RIGI: variants seen among roughly 807,000 people sequenced by gnomAD.
RIGI encodes antiviral innate immune response receptor RIG-I.
At chr9:32,494,552 A>G in the RIGI span, among the ~76,000 whole-genome samples, 1 of 152,228 alleles carries the variant, frequency 6.6e-6, no homozygotes, top group Admixed American at 6.5e-5. Flanking sequence ...AAAACAGATA[A>G]AACATTTACC....
At chr9:32,494,559 T>C in the RIGI span, among the ~76,000 whole-genome samples, 2 of 152,308 alleles carry the variant, frequency 1.3e-5, no homozygotes, top group South Asian at 2.1e-4. Context: ...ATAAAACATT[T>C]ACCATCTTAA....
chr9:32,477,994 G>A, the RIGI span, among the ~76,000 whole-genome samples: 3,590 of 151,900 alleles, frequency 0.024, 164 homozygotes, highest in African/African-American at 0.083. Context: ...AGATCATACC[G>A]GACTATGGGA....
chr9:32,485,288 G>A, the RIGI span: 62 of 1,478,970 alleles, frequency 4.2e-5, no homozygotes, highest in African/African-American at 1.3e-4. Context: ...AACTAGAGAC[G>A]TCAAAAAAAA....
the RIGI span, among the ~76,000 whole-genome samples, chr9:32,455,316 AAG>A: frequency 6.6e-6 from 1 of 152,202 alleles, no homozygotes; most frequent in African/African-American, 2.4e-5. Flanking sequence ...TTATAAAGAA[AAG>A]AGGCTTAATA....
At chr9:32,494,055 C>T in the RIGI span, 1 of 782,224 alleles carries the variant, frequency 1.3e-6, no homozygotes, top group Admixed American at 3.4e-5. Context: ...CAAAAAATAT[C>T]TGTAAATTAC....
At chr9:32,478,771 A>T in the RIGI span, among the ~76,000 whole-genome samples, 2 of 151,036 alleles carry the variant, frequency 1.3e-5, no homozygotes, top group African/African-American at 4.9e-5. Flanking sequence ...TGCTGCCCAG[A>T]CTGATCTCCA....
At chr9:32,521,027 C>A in the RIGI span, among the ~76,000 whole-genome samples, 1 of 150,700 alleles carries the variant, frequency 6.6e-6, no homozygotes, top group Non-Finnish European at 1.5e-5. Context: ...GGCCTGTAAT[C>A]CCAGCTACTA....
At chr9:32,476,941 T>G in the RIGI span, 8 of 1,527,818 alleles carry the variant, frequency 5.2e-6, no homozygotes, top group Non-Finnish European at 7.2e-6. Context: ...CAATGAATAG[T>G]GCTGGGTCCA....
the RIGI span, among the ~76,000 whole-genome samples, chr9:32,480,735 A>C: frequency 3.9e-5 from 6 of 152,246 alleles, no homozygotes; most frequent in Non-Finnish European, 7.3e-5. Flanking sequence ...TGAAGCCATC[A>C]CTAAATTGTC....
At chr9:32,461,182 C>T in the RIGI span, among the ~76,000 whole-genome samples, 1 of 152,092 alleles carries the variant, frequency 6.6e-6, no homozygotes, top group Non-Finnish European at 1.5e-5. Context: ...ACAGTCCACC[C>T]CAGAACCCTA....
At chr9:32,491,203 C>T in the RIGI span, 1 of 1,408,446 alleles carries the variant, frequency 7.1e-7, no homozygotes, top group East Asian at 2.5e-5. Context: ...CCTTACAAAA[C>T]TTTTCACAAG....
At chr9:32,468,794 C>T in the RIGI span, among the ~76,000 whole-genome samples, 1 of 152,140 alleles carries the variant, frequency 6.6e-6, no homozygotes, top group Non-Finnish European at 1.5e-5. Flanking sequence ...GTTGGGGTGT[C>T]TGCCTCCCCA....
the RIGI span, among the ~76,000 whole-genome samples, chr9:32,511,478 G>A: frequency 6.6e-6 from 1 of 152,140 alleles, no homozygotes; most frequent in South Asian, 2.1e-4. Flanking sequence ...GCTCCTGAAT[G>A]ACTACAGGGT....
At chr9:32,502,650 G>A in the RIGI span, among the ~76,000 whole-genome samples, 109 of 152,304 alleles carry the variant, frequency 7.2e-4, no homozygotes, top group Admixed American at 3.5e-3. Flanking sequence ...GTGAATCATG[G>A]TGTTAGCAGA....
the RIGI span, among the ~76,000 whole-genome samples, chr9:32,504,998 TAATA>T: frequency 8.1e-6 from 1 of 123,398 alleles, no homozygotes; most frequent in African/African-American, 2.9e-5. Flanking sequence ...ATTTTATATA[TAATA>T]TATATGTTTA....
chr9:32,525,851 C>T, the RIGI span, among the ~76,000 whole-genome samples: 2 of 152,204 alleles, frequency 1.3e-5, no homozygotes, highest in South Asian at 2.1e-4. Flanking sequence ...AAGCAAGTCA[C>T]TTCACCTCGC....
At chr9:32,514,599 T>C in the RIGI span, among the ~76,000 whole-genome samples, 1 of 152,028 alleles carries the variant, frequency 6.6e-6, no homozygotes, top group Non-Finnish European at 1.5e-5. Flanking sequence ...AGGGGAGGGA[T>C]AGCATTAGAA....
the RIGI span, among the ~76,000 whole-genome samples, chr9:32,479,588 G>A: frequency 6.6e-6 from 1 of 152,058 alleles, no homozygotes; most frequent in Non-Finnish European, 1.5e-5. Flanking sequence ...TGTAATTCCA[G>A]CATTTTGGGA....
chr9:32,514,134 A>G, the RIGI span, among the ~76,000 whole-genome samples: 4 of 152,248 alleles, frequency 2.6e-5, no homozygotes, highest in Non-Finnish European at 5.9e-5. Context: ...GTGGGAGTGT[A>G]AATTAGTTCA....
Sources: allele counts gnomAD v4.1 joint callset (sites outside exome capture counted in the v4.1 genomes callset), GRCh38; gene constraint gnomAD v4.1.1; transcripts MANE v1.5; gene names NCBI Gene and HGNC (gene_info 2026-07-23, HGNC 2026-07-21).